Variants in BCOR observed in about 807,000 individuals in gnomAD.
The protein encoded by BCOR is BCL-6 corepressor.
A neutral mutation model predicts 86.7 loss-of-function variants in BCOR; 10 were observed. The ratio of observed to expected loss-of-function variants is 0.12; its 90% confidence interval spans 0.07 to 0.20. The LOEUF (loss-of-function observed/expected upper bound fraction) is 0.20. BCOR is among the 10% of genes least tolerant of loss of function. The pLI, the probability that BCOR is intolerant of heterozygous loss-of-function variation, is 1.00. For synonymous variants in BCOR, 611 were observed against 609.0 expected, an observed-to-expected ratio of 1.00 and a Z score of -0.05; for missense variants, 1,259 against 1,452.1, an observed-to-expected ratio of 0.87 and a Z score of 2.16.
At chrX:40,117,709 GGGACAC>G (rs1937416793) in intron 1 of BCOR, among the ~76,000 whole-genome samples, 1 of 110,585 alleles carries the variant, frequency 9.0e-6, no homozygotes, top group Non-Finnish European at 1.9e-5. Flanking sequence ...AACCATGGAG[GGGACAC>G]TCGATCCCCT....
chrX:40,109,161 CAGATT>C (rs1190469734), intron 1 of BCOR, among the ~76,000 whole-genome samples: 12 of 112,105 alleles, frequency 1.1e-4, no homozygotes, highest in Non-Finnish European at 1.3e-4. Context: ...CCCGGAGCCG[CAGATT>C]AGTCACCGCT....
intron 1 of BCOR, among the ~76,000 whole-genome samples, chrX:40,159,508 G>A (rs1232468813): frequency 2.7e-5 from 3 of 110,819 alleles, no homozygotes; most frequent in African/African-American, 9.9e-5. Flanking sequence ...CAACGCGCCC[G>A]GCTAATTTTT....
chrX:40,162,311 T>C (rs907603265), intron 1 of BCOR, among the ~76,000 whole-genome samples: 2 of 112,054 alleles, frequency 1.8e-5, no homozygotes, highest in Non-Finnish European at 3.8e-5. Flanking sequence ...TACAATGTAA[T>C]ACAGTGACCC....
upstream of BCOR, among the ~76,000 whole-genome samples, chrX:40,102,456 C>A (rs1019063410): frequency 8.8e-6 from 1 of 113,810 alleles, no homozygotes; most frequent in African/African-American, 3.2e-5. Context: ...TAAGAGCCCT[C>A]GACGCCGCCG....
intron 10 of BCOR, among the ~76,000 whole-genome samples, chrX:40,057,943 T>A (rs1934681617): frequency 1.8e-5 from 2 of 112,055 alleles, no homozygotes; most frequent in African/African-American, 6.5e-5. Flanking sequence ...AGTGCCTCTG[T>A]TGGTATCATA....
At position 40,155,616 on chromosome X, in the gene BCOR, C is replaced by T. The variant is rs1239851665; in HGVS notation, c.-41+21391G>A. 8.1e-5 allele frequency among the ~76,000 whole-genome samples: 9 copies of T among 110,855 alleles called. No individual in the cohort carries two copies. The East Asian group carries it at 2.6e-3, about 32-fold the overall frequency. On this transcript the variant is annotated intron_variant, in intron 1 of 14. Transcript: ENST00000342274. ...GACCCCACTCGGACTCTCAGGCCCT[C>T]CTGGCGCCTGGAAGTAGGGAGGGGG...
intron 6 of BCOR, among the ~76,000 whole-genome samples, chrX:40,067,747 G>C (rs1474791252): frequency 9.0e-6 from 1 of 111,579 alleles, no homozygotes; most frequent in Non-Finnish European, 1.9e-5. Context: ...TCCCTCCATG[G>C]GCCAGTAATA....
At chrX:40,093,642 T>A (rs1169659240) in intron 1 of BCOR, among the ~76,000 whole-genome samples, 5 of 111,902 alleles carry the variant, frequency 4.5e-5, no homozygotes, top group African/African-American at 1.6e-4. Context: ...TCCTCACAAG[T>A]TCCTGGTTAA....
At chrX:40,080,138 C>G in intron 1 of BCOR, among the ~76,000 whole-genome samples, 1 of 84,260 alleles carries the variant, frequency 1.2e-5, no homozygotes, top group Middle Eastern at 5.5e-3. Context: ...AAATTGGCCT[C>G]CCCTTTAAAA....
chrX:40,171,786 G>A (rs1222163661), intron 1 of BCOR, among the ~76,000 whole-genome samples: 3 of 113,311 alleles, frequency 2.6e-5, no homozygotes, highest in African/African-American at 6.4e-5. Context: ...AGAGGGAGCC[G>A]GAAAGAAACA....
At chrX:40,176,720 G>A (rs1223087840) in intron 1 of BCOR, among the ~76,000 whole-genome samples, 1 of 111,196 alleles carries the variant, frequency 9.0e-6, no homozygotes. Context: ...CTCGCTCCCA[G>A]CGCCCAGAGT....
chrX:40,149,125 T>C (rs139332542), intron 1 of BCOR, among the ~76,000 whole-genome samples: 1,498 of 108,123 alleles, frequency 0.014, 23 homozygotes, highest in African/African-American at 0.048. Context: ...CCTTCAGTAG[T>C]GCGGATTTCA....
At chrX:40,127,861 A>T (rs1267779775) in intron 1 of BCOR, among the ~76,000 whole-genome samples, 1 of 85,923 alleles carries the variant, frequency 1.2e-5, no homozygotes, top group East Asian at 3.8e-4. Flanking sequence ...ACCTTGTCTC[A>T]AAATAAATAA....
rs1194742214 is a variant in BCOR at position 40,052,013 on chromosome X, G to C, written c.*96C>G. 16 of 795,737 alleles carry C rather than the reference G, an allele frequency of 2.0e-5. No individual in the cohort carries two copies. Among genetic ancestry groups the C allele is most frequent in the Non-Finnish European group, 2.8e-5 (16 of 578,766 alleles). The allele number at this position is 795,737 out of a possible 1,213,427, so 65.6% of individuals were successfully genotyped here. A position where few individuals can be genotyped will look rare whatever the true frequency, so the allele number is the denominator to read the frequency against. On this transcript the variant is annotated 3_prime_UTR_variant, in exon 15 of 15. Coordinates refer to ENST00000378444, the MANE Select transcript of BCOR (RefSeq NM_001123385.2). The stretch of plus-strand genomic sequence containing the variant: ...ATATAAAGAAGAGATATTTTCATAT[G>C]TAATAGTGTCCTTTCTTTACAGAAA...
Position 40,097,765 on chromosome X carries a change from C to A in BCOR, c.-591G>T, listed in dbSNP as rs1488981309. On this transcript the variant is annotated 5_prime_UTR_variant, in exon 1 of 15. Coordinates refer to ENST00000378444, the MANE Select transcript of BCOR (RefSeq NM_001123385.2). ...GAGTGTTGGCCAAGTCGTCCCTGCG[C>A]GGCGACAGCGCGGCTTGGGCTCTCC... Among the ~76,000 whole-genome samples, 1 of 110,985 alleles carries A rather than the reference C, an allele frequency of 9.0e-6. No homozygotes were observed. Among genetic ancestry groups the A allele is most frequent in the Non-Finnish European group, 1.9e-5 (1 of 52,483 alleles).
intron 12 of BCOR, among the ~76,000 whole-genome samples, 166 bp from the exon 13 acceptor site, chrX:40,054,499 CTTT>C (rs147324206): frequency 2.0e-5 from 2 of 98,872 alleles, no homozygotes; most frequent in Non-Finnish European, 2.1e-5. Context: ...TTATGTATCT[CTTT>C]TTTTTTTTTT....
At chrX:40,094,173 C>G (rs996563059) in intron 1 of BCOR, among the ~76,000 whole-genome samples, 7 of 111,796 alleles carry the variant, frequency 6.3e-5, no homozygotes, top group African/African-American at 2.3e-4. Context: ...GCCTTCCCTC[C>G]ACCCAGCTCG....
intron 1 of BCOR, among the ~76,000 whole-genome samples, chrX:40,092,919 G>A (rs1936685105): frequency 8.9e-6 from 1 of 112,337 alleles, no homozygotes; most frequent in African/African-American, 3.2e-5. Context: ...TCACTCACTC[G>A]GCAGGAAAGT....
chrX:40,073,097 T>C lies in BCOR; in HGVS notation c.2249A>G (p.His750Arg). 5 of 1,212,048 alleles carry C rather than the reference T, an allele frequency of 4.1e-6. No individual in the cohort carries two copies. Among genetic ancestry groups the C allele is most frequent in the Non-Finnish European group, 5.6e-6 (5 of 895,596 alleles). ...TGGGTCCTCGTAACGGGCTCTCTCA[T>C]GGGACCGGGATCTCCTCTCTGGTTT... ...EEKPERRSRSHERARYEDPTL... is the reference protein window; with the variant it reads ...EEKPERRSRSRERARYEDPTL... The change falls in exon 4 of 15, where the codon CAT becomes CGT. Residue 750 changes from histidine (H) to arginine (R), a missense_variant. His to Arg is a conservative substitution (Grantham distance 29, BLOSUM62 0). Transcript: ENST00000378444.
Sources: allele counts gnomAD v4.1 joint callset (sites outside exome capture counted in the v4.1 genomes callset), GRCh38; gene constraint gnomAD v4.1.1; transcripts MANE v1.5; gene names NCBI Gene and HGNC (gene_info 2026-07-23, HGNC 2026-07-21).